Variants in ZNF883 observed in about 807,000 individuals in gnomAD.
The protein encoded by ZNF883 is zinc finger protein 883.
chr9:113,003,418 CA>C (rs1451892837), intron 2 of ZNF883, among the ~76,000 whole-genome samples: 2 of 152,096 alleles, frequency 1.3e-5, no homozygotes, highest in African/African-American at 4.8e-5. Flanking sequence ...TTTTTATTAG[CA>C]GCATGAGAAT....
At chr9:113,011,974 C>A (rs1828543851) in intron 1 of ZNF883, among the ~76,000 whole-genome samples, 176 bp downstream of exon 1, 1 of 152,168 alleles carries the variant, frequency 6.6e-6, no homozygotes, top group African/African-American at 2.4e-5. Context: ...TCACCACCAC[C>A]CCTCCACTGC....
chr9:113,006,448 CTTTTA>C (rs1828477269), intron 2 of ZNF883, among the ~76,000 whole-genome samples: 1 of 152,178 alleles, frequency 6.6e-6, no homozygotes, highest in Non-Finnish European at 1.5e-5. Context: ...AGTAGCCACC[CTTTTA>C]TTTTACTTTT....
downstream of ZNF883, among the ~76,000 whole-genome samples, chr9:112,996,325 G>A (rs1828353666): frequency 6.6e-6 from 1 of 151,830 alleles, no homozygotes; most frequent in Non-Finnish European, 1.5e-5. Flanking sequence ...TATCTTTGTG[G>A]GAGAAAACAT....
intron 2 of ZNF883, among the ~76,000 whole-genome samples, chr9:113,010,114 T>C (rs1828517618): frequency 6.6e-6 from 1 of 152,224 alleles, no homozygotes; most frequent in South Asian, 2.1e-4. Flanking sequence ...TTATTCACTG[T>C]TATATCCCAA....
At chr9:112,997,824 T>G (rs1007701590) in exon 1 of ZNF883, 1 of 1,613,108 alleles carries the variant, frequency 6.2e-7, no homozygotes, top group African/African-American at 1.3e-5. Context: ...CCAGTATGAA[T>G]TCTATGATGT....
chr9:112,997,676 G>C (rs746400849), exon 1 of ZNF883: 5 of 1,612,566 alleles, frequency 3.1e-6, no homozygotes, highest in Admixed American at 3.3e-5. Context: ...TCGGATTAGT[G>C]ATGTACTGTG....
At chr9:112,989,351 T>C (rs1035313104) in intron 1 of ZNF883, among the ~76,000 whole-genome samples, 3 of 152,194 alleles carry the variant, frequency 2.0e-5, no homozygotes, top group African/African-American at 7.2e-5. Context: ...GGCTAGCCAG[T>C]TCTCCCAGCA....
downstream of ZNF883, among the ~76,000 whole-genome samples, chr9:112,996,847 AC>A (rs1315132578): frequency 6.7e-6 from 1 of 149,648 alleles, no homozygotes; most frequent in Non-Finnish European, 1.5e-5. Context: ...GCAAATATAT[AC>A]ATTTTAATAA....
chr9:112,996,402 T>C (rs1474868835), downstream of ZNF883, among the ~76,000 whole-genome samples: 1 of 152,192 alleles, frequency 6.6e-6, no homozygotes, highest in Non-Finnish European at 1.5e-5. Flanking sequence ...AAGTGTTTCT[T>C]GAATGCTGAA....
downstream of ZNF883, chr9:112,996,976 C>T (rs1828364374): frequency 1.4e-6 from 1 of 695,640 alleles, no homozygotes. Context: ...AAGCATAGTC[C>T]TTCTTCTCAG....
chr9:112,999,395 T>C (rs1477034305), upstream of ZNF883, among the ~76,000 whole-genome samples: 1 of 152,128 alleles, frequency 6.6e-6, no homozygotes, highest in Non-Finnish European at 1.5e-5. Flanking sequence ...TTGTTTCCAT[T>C]CTGACCAATT....
At chr9:113,009,863 A>G (rs1457774211) in intron 2 of ZNF883, among the ~76,000 whole-genome samples, 1 of 152,124 alleles carries the variant, frequency 6.6e-6, no homozygotes, top group East Asian at 1.9e-4. Flanking sequence ...TTACTCCCCT[A>G]TATTAAATAA....
chr9:113,002,555 A>T (rs1400508564), upstream of ZNF883, among the ~76,000 whole-genome samples: 2 of 152,166 alleles, frequency 1.3e-5, no homozygotes, highest in Admixed American at 6.5e-5. Context: ...GGATGTGGGA[A>T]CTCTCTGTAA....
At chr9:113,009,520 T>G in intron 2 of ZNF883, among the ~76,000 whole-genome samples, 1 of 152,112 alleles carries the variant, frequency 6.6e-6, no homozygotes, top group East Asian at 1.9e-4. Flanking sequence ...ATTCCTTTTT[T>G]TTTTTTTGAG....
intron 2 of ZNF883, among the ~76,000 whole-genome samples, chr9:113,007,966 A>G (rs926057987): frequency 1.3e-5 from 2 of 152,204 alleles, no homozygotes; most frequent in Admixed American, 6.5e-5. Flanking sequence ...TTATTAGTCA[A>G]ATTCATAGAG....
At chr9:112,991,676 G>A (rs1325967133) in intron 1 of ZNF883, among the ~76,000 whole-genome samples, 2 of 152,020 alleles carry the variant, frequency 1.3e-5, no homozygotes, top group East Asian at 1.9e-4. Context: ...TATTGAAAGC[G>A]GCATGTTAAA....
At chr9:113,000,518 C>T (rs1024420010), upstream of ZNF883, among the ~76,000 whole-genome samples, 40 of 151,848 alleles carry the variant, frequency 2.6e-4, no homozygotes, top group Admixed American at 2.6e-3. Context: ...AGATATGAGC[C>T]TGGATTGGGA....
chr9:112,989,945 T>C (rs1393879344), intron 1 of ZNF883, among the ~76,000 whole-genome samples: 1 of 152,216 alleles, frequency 6.6e-6, no homozygotes, highest in African/African-American at 2.4e-5. Context: ...GGAATGCTTG[T>C]GATTTTTGCA....
chr9:112,995,485 G>T, downstream of ZNF883, among the ~76,000 whole-genome samples: 1 of 148,884 alleles, frequency 6.7e-6, no homozygotes, highest in Non-Finnish European at 1.5e-5. Context: ...CTTCCTCCCT[G>T]CCTTTCTCTC....
Sources: gnomAD v4.1 joint callset for allele counts (sites outside exome capture counted in the v4.1 genomes callset) on GRCh38, gnomAD v4.1.1 for gene constraint, MANE v1.5 for transcripts, NCBI Gene and HGNC (gene_info 2026-07-23, HGNC 2026-07-21) for gene names.